The following TOP1 variants were observed in gnomAD, a reference collection of about 807,000 sequenced individuals.
The protein encoded by TOP1 is DNA topoisomerase I, also known as DNA topoisomerase 1.
In TOP1, 10 loss-of-function variants were observed where a neutral mutation model predicts 111.1. The ratio of observed to expected loss-of-function variants is 0.09; its 90% CI spans 0.06 to 0.15. The LOEUF is 0.15. Ranked by LOEUF, TOP1 falls within the 10% of genes least tolerant of loss-of-function variation. The pLI is 1.00. For synonymous variants in TOP1, 271 were observed against 302.9 expected (o/e 0.89, Z 1.10); for missense variants, 474 against 926.7 (o/e 0.51, Z 6.34).
Position 41,065,337 on chromosome 20 carries a change from A to C in TOP1, c.155+3847A>C, listed in dbSNP as rs189892855. 2.6e-5 allele frequency among the ~76,000 whole-genome samples: 4 copies of C among 152,322 alleles called. No homozygotes were observed. In the East Asian group the frequency reaches 7.7e-4, roughly 29 times the overall value. ...TTAATTCCCATCTCTCTTTCTTCTC[A>C]CGTACTCTTAATCTTCTATAGGATA... On this transcript the variant is annotated intron_variant, in intron 3 of 20. Coordinates refer to ENST00000361337, the MANE Select transcript of TOP1 (RefSeq NM_003286.4).
intron 2 of TOP1, among the ~76,000 whole-genome samples, chr20:41,031,303 C>T (rs576764681): frequency 6.6e-6 from 1 of 152,288 alleles, no homozygotes; most frequent in African/African-American, 2.4e-5. Context: ...TTTGACCTTG[C>T]TAGAGGAAGG....
Position 41,094,279 on chromosome 20 carries a change from AT to A in TOP1, c.730+1694del, listed in dbSNP as rs1359238069. On this transcript the variant is annotated intron_variant, in intron 9 of 20. Coordinates refer to ENST00000361337, the MANE Select transcript of TOP1 (RefSeq NM_003286.4). The surrounding 1 kb of genome is among the most constrained non-coding windows in gnomAD (Gnocchi z 4.4). ...AGTTCTTTCAGCCCTCACGCTGGTCATTCCTGGAGACTCTTAACTATAACTC... is the reference window on the plus strand; with the variant it reads ...AGTTCTTTCAGCCCTCACGCTGGTCATCCTGGAGACTCTTAACTATAACTC... Among the ~76,000 whole-genome samples the A allele has an allele frequency of 2.6e-5, 4 of 152,174 alleles. No homozygotes were observed. Among genetic ancestry groups the A allele is most frequent in the African/African-American group, 9.7e-5 (4 of 41,440 alleles).
rs1267729595 is a variant in TOP1 at position 41,071,650 on chromosome 20, A to G, written c.156-4521A>G. ...ATGAGCCACCACGCCCAGCCAGATT[A>G]TTTTTTCTTTAGTGGAATTCAGCCA... On this transcript the variant is annotated intron_variant, in intron 3 of 20. Transcript: ENST00000361337. The surrounding 1 kb of genome is among the most constrained non-coding windows in gnomAD (Gnocchi z 4.3). 6.6e-6 allele frequency among the ~76,000 whole-genome samples: 1 copy of G among 152,008 alleles called. No homozygotes were observed. The highest frequency in any genetic ancestry group is 1.5e-5 in the Non-Finnish European group (1 of 67,992).
At chr20:41,091,877 C>T (rs552762235) in intron 8 of TOP1, among the ~76,000 whole-genome samples, 1 of 152,002 alleles carries the variant, frequency 6.6e-6, no homozygotes, top group South Asian at 2.1e-4. Flanking sequence ...TCATTTTTTT[C>T]TTATGTTCGA....
At position 41,033,038 on chromosome 20, in the gene TOP1, G is replaced by A. The variant is rs113787414; in HGVS notation, c.58+3583G>A. 1.6e-4 allele frequency among the ~76,000 whole-genome samples: 24 copies of A among 152,216 alleles called. 3 individuals are homozygous for A. The highest frequency in any genetic ancestry group is 4.1e-4 in the African/African-American group (17 of 41,514). ...GGCACCTTTTTAGAATTAGTGAGCCGCTAGGATTTTTATACTATGCTTTGA... is the reference window on the plus strand; with the variant it reads ...GGCACCTTTTTAGAATTAGTGAGCCACTAGGATTTTTATACTATGCTTTGA... On this transcript the variant is annotated intron_variant, in intron 2 of 20. Coordinates refer to ENST00000361337, the MANE Select transcript of TOP1 (RefSeq NM_003286.4).
chr20:41,120,094 T>C (rs940515207), intron 18 of TOP1, among the ~76,000 whole-genome samples: 2 of 152,220 alleles, frequency 1.3e-5, no homozygotes, highest in African/African-American at 4.8e-5. Context: ...GTTTGCCAAG[T>C]GAATCAATGG....
At chr20:41,076,116 C>A in intron 3 of TOP1, 55 bp from the exon 4 acceptor site, 1 of 1,553,348 alleles carries the variant, frequency 6.4e-7, no homozygotes, top group Non-Finnish European at 8.7e-7. Context: ...TCTTGTGAAA[C>A]GAATCCTTGT....
chr20:41,111,332 G>A (rs1344783514), intron 13 of TOP1, among the ~76,000 whole-genome samples: 3 of 152,114 alleles, frequency 2.0e-5, no homozygotes, highest in Admixed American at 6.5e-5. Context: ...ATGTCAAAAT[G>A]TACTAAGACT....
At chr20:41,054,494 G>GA (rs1375966218) in intron 2 of TOP1, among the ~76,000 whole-genome samples, 1 of 152,148 alleles carries the variant, frequency 6.6e-6, no homozygotes, top group African/African-American at 2.4e-5. Flanking sequence ...GCGTGAGAAT[G>GA]GACTAATACA....
intron 2 of TOP1, among the ~76,000 whole-genome samples, chr20:41,042,214 T>C (rs867141133): frequency 2.0e-5 from 3 of 152,096 alleles, no homozygotes; most frequent in African/African-American, 7.2e-5. Flanking sequence ...CCAGCCAAGA[T>C]TACAGGATAT....
intron 5 of TOP1, among the ~76,000 whole-genome samples, chr20:41,077,948 AT>A (rs57349578): frequency 0.063 from 8,194 of 129,446 alleles, 329 homozygotes; most frequent in African/African-American, 0.13. Flanking sequence ...ACAGTGTACC[AT>A]TTTTTTTTTT....
intron 13 of TOP1, among the ~76,000 whole-genome samples, chr20:41,105,357 T>A (rs2034129455): frequency 6.6e-6 from 1 of 152,250 alleles, no homozygotes; most frequent in Non-Finnish European, 1.5e-5. Flanking sequence ...GGTATGTTAC[T>A]GGGATCATTC....
intron 2 of TOP1, among the ~76,000 whole-genome samples, chr20:41,060,497 A>C (rs1468321676): frequency 2.0e-5 from 3 of 152,222 alleles, no homozygotes; most frequent in Non-Finnish European, 2.9e-5. Context: ...CCTTTGGGCA[A>C]GGGGTGGAAG....
chr20:41,039,076 A>T (rs1330250358), intron 2 of TOP1, among the ~76,000 whole-genome samples: 1 of 152,158 alleles, frequency 6.6e-6, no homozygotes, highest in African/African-American at 2.4e-5. Flanking sequence ...TTTGGCATCT[A>T]CTTAGGAAGC....
rs373756399 is a variant in TOP1, at chr20:41,113,726, A to T, written c.1453-244A>T. Among the ~76,000 whole-genome samples the T allele has an allele frequency of 1.3e-3, 203 of 151,446 alleles. 1 individual carries two copies. Among genetic ancestry groups the T allele is most frequent in the Middle Eastern group, 3.4e-3 (1 of 294 alleles). On this transcript the variant is annotated intron_variant, in intron 14 of 20. Transcript: ENST00000361337. ...CTCTACTAAAAATACAAAAAAAAAA[A>T]AAAAAATAAAAATTGGCGTGGTGGC...
chr20:41,066,054 T>A (rs1161317459), intron 3 of TOP1, among the ~76,000 whole-genome samples: 2 of 152,186 alleles, frequency 1.3e-5, no homozygotes, highest in Non-Finnish European at 2.9e-5. Flanking sequence ...AATGTTGATT[T>A]TTATATTACT....
chr20:41,070,531 A>G (rs1418390423), intron 3 of TOP1, among the ~76,000 whole-genome samples: 4 of 152,226 alleles, frequency 2.6e-5, no homozygotes, highest in East Asian at 1.9e-4. Flanking sequence ...CCCAGAGGCA[A>G]CTTTTGAAGT....
chr20:41,113,984 A>G lies in TOP1; in HGVS notation c.1467A>G (p.Ala489=), dbSNP rs143386992. ...TTCCTGGGCAGCTTGCTCTGAGAGC[A>G]GGCAATGAAAAGGAGGAAGGAGAAA... is the stretch of plus-strand genomic sequence containing the variant. ...LYFIDKLALR[A]GNEKEEGETA... Residue 489 remains alanine (A), a synonymous_variant, in exon 15 of 21, where the codon GCA becomes GCG. Transcript: ENST00000361337. The G allele has an allele frequency of 5.6e-6, 9 of 1,613,450 alleles. No individual in the cohort carries two copies. The African/African-American group carries it at 1.2e-4, about 22-fold the overall frequency.
At position 41,029,051 on chromosome 20, in the gene TOP1, C is replaced by G. The variant is rs781278942; in HGVS notation, c.-17C>G. ...ACGCCGCCTCGCCTGCCGCCGCGCT[C>G]GTCCCTCCGGGCCGACATGAGTGGG... On this transcript the variant is annotated 5_prime_UTR_variant, in exon 1 of 21. Transcript: ENST00000361337. This position sits in a 1 kb window ranked among gnomAD's most constrained non-coding sequence, Gnocchi z 6.1. 27 of 1,547,032 alleles carry G rather than the reference C, an allele frequency of 1.7e-5. No homozygotes were observed. Among genetic ancestry groups the G allele is most frequent in the Non-Finnish European group, 2.3e-5 (26 of 1,150,886 alleles).
Sources: allele counts gnomAD v4.1 joint callset (sites outside exome capture counted in the v4.1 genomes callset), GRCh38; gene constraint gnomAD v4.1.1; non-coding constraint Gnocchi (gnomAD v3.1); transcripts MANE v1.5; gene names NCBI Gene and HGNC (gene_info 2026-07-23, HGNC 2026-07-21).